The following CALN1 variants were observed in gnomAD, a reference collection of about 807,000 sequenced individuals.
CALN1 encodes the protein calneuron 1.
CALN1 carries 17 observed loss-of-function variants against 30.6 expected under a neutral mutation model. That is an observed-to-expected ratio of 0.56 (90% CI 0.38 to 0.83). CALN1 has a LOEUF of 0.83. Among genes scored for constraint, CALN1 ranks in the 40% least tolerant of loss-of-function variants. CALN1 has a pLI of 0.00. For missense variants in CALN1, 291 were observed against 354.9 expected, an observed-to-expected ratio of 0.82 and a Z score of 1.45; for synonymous variants, 156 against 131.4, an observed-to-expected ratio of 1.19 and a Z score of -1.28.
chr7:71,980,285 C>G (rs1312234468), intron 5 of CALN1, among the ~76,000 whole-genome samples: 1 of 150,636 alleles, frequency 6.6e-6, no homozygotes, highest in Non-Finnish European at 1.5e-5. Context: ...CTCCCAGGTT[C>G]AAGTGATTCT....
At chr7:72,324,342 T>A (rs1268825424) in intron 2 of CALN1, among the ~76,000 whole-genome samples, 1 of 152,092 alleles carries the variant, frequency 6.6e-6, no homozygotes, top group Non-Finnish European at 1.5e-5. Flanking sequence ...TGAAAAAGCA[T>A]CACTGATAAC....
In CALN1 at chr7:72,390,798, ATG is replaced by A. The variant is rs1805531128; in HGVS notation, c.119+12451_119+12452del. On this transcript the variant is annotated intron_variant, in intron 2 of 6. Coordinates refer to ENST00000395275, the MANE Select transcript of CALN1 (RefSeq NM_031468.4). Reference sequence around the variant, plus strand: ...ATTTAATACATCAACAAGGAAGCACATGTGTTATTATATCAACACATTTGTTC... The same window carrying A: ...ATTTAATACATCAACAAGGAAGCACATGTTATTATATCAACACATTTGTTC... Among the ~76,000 whole-genome samples the A allele has an allele frequency of 4.6e-5, 7 of 152,088 alleles. No homozygotes were observed. The South Asian group carries it at 1.0e-3, about 23-fold the overall frequency.
At chr7:72,181,109 CCA>C (rs1491109107) in intron 3 of CALN1, among the ~76,000 whole-genome samples, 136 of 53,418 alleles carry the variant, frequency 2.5e-3, no homozygotes, top group Middle Eastern at 0.011. Flanking sequence ...CCCCCCCCCC[CCA>C]AAAAAAAAAA....
chr7:72,448,838 C>T (rs1264504236), upstream of CALN1, among the ~76,000 whole-genome samples: 1 of 152,176 alleles, frequency 6.6e-6, no homozygotes, highest in African/African-American at 2.4e-5. Context: ...AACTCCTGAC[C>T]TCATGATCTT....
intron 3 of CALN1, among the ~76,000 whole-genome samples, chr7:72,110,840 T>C (rs926074857): frequency 5.9e-5 from 9 of 152,106 alleles, no homozygotes; most frequent in Non-Finnish European, 8.8e-5. Flanking sequence ...CATTTTATTT[T>C]TAATAGCAAA....
At chr7:72,164,340 A>G (rs1788356081) in intron 3 of CALN1, among the ~76,000 whole-genome samples, 1 of 132,254 alleles carries the variant, frequency 7.6e-6, no homozygotes, top group African/African-American at 3.0e-5. Flanking sequence ...GACAAGAGCA[A>G]CACTCCGTCA....
intron 3 of CALN1, among the ~76,000 whole-genome samples, chr7:72,151,697 C>T (rs974691622): frequency 1.3e-5 from 2 of 151,960 alleles, no homozygotes; most frequent in Non-Finnish European, 2.9e-5. Flanking sequence ...GCCTGCCCAG[C>T]AGATATCGTT....
intron 5 of CALN1, among the ~76,000 whole-genome samples, chr7:71,897,291 GGACTT>G (rs1793583418): frequency 6.6e-6 from 1 of 152,090 alleles, no homozygotes; most frequent in African/African-American, 2.4e-5. Context: ...TGTTGCACCG[GGACTT>G]GTAAGCATAA....
chr7:72,016,998 C>CAAAAAAAAAAAAAAAAAAAAAAAAAA lies in CALN1; in HGVS notation c.501+6658_501+6659insTTTTTTTTTTTTTTTTTTTTTTTTTT, dbSNP rs754201004. Among the ~76,000 whole-genome samples, 51 of 31,954 alleles carry CAAAAAAAAAAAAAAAAAAAAAAAAAA rather than the reference C, an allele frequency of 1.6e-3. 9 individuals are homozygous for CAAAAAAAAAAAAAAAAAAAAAAAAAA. The highest frequency in any genetic ancestry group is 0.01 in the East Asian group (10 of 992). The allele number at this position is 31,954 out of a possible 152,430, so 21.0% of individuals were successfully genotyped here. On this transcript the variant is annotated intron_variant, in intron 5 of 6. Coordinates refer to ENST00000395275, the MANE Select transcript of CALN1 (RefSeq NM_031468.4). ...CAAAACCCCGTGTTTACTAAAAATA[C>CAAAAAAAAAAAAAAAAAAAAAAAAAA]AAAAAAAAAAAAAAAAAAAGCTGGG...
chr7:72,324,810 G>C (rs187696351), intron 2 of CALN1, among the ~76,000 whole-genome samples: 4 of 151,674 alleles, frequency 2.6e-5, no homozygotes, highest in South Asian at 4.2e-4. Context: ...TCTTGAACTC[G>C]TGACCTCAAG....
chr7:71,832,161 A>G (rs1339447189), intron 5 of CALN1, among the ~76,000 whole-genome samples: 1 of 152,120 alleles, frequency 6.6e-6, no homozygotes, highest in Non-Finnish European at 1.5e-5. Context: ...TCTCATTTAA[A>G]GAATGTCATG....
intron 3 of CALN1, among the ~76,000 whole-genome samples, chr7:72,227,052 AG>A (rs767231709): frequency 1.3e-5 from 2 of 151,890 alleles, no homozygotes; most frequent in Non-Finnish European, 2.9e-5. Context: ...AAGACAGAAA[AG>A]TAAAGATGGG....
At chr7:71,993,711 C>T (rs1799085576) in intron 5 of CALN1, among the ~76,000 whole-genome samples, 1 of 152,094 alleles carries the variant, frequency 6.6e-6, no homozygotes, top group Admixed American at 6.5e-5. Flanking sequence ...CCTGCCTTCG[C>T]CTCCCAAAGT....
chr7:72,146,471 T>C (rs1438440902), intron 3 of CALN1, among the ~76,000 whole-genome samples: 1 of 151,992 alleles, frequency 6.6e-6, no homozygotes, highest in South Asian at 2.1e-4. Flanking sequence ...TAAAAGAGGA[T>C]ACAAATAAAT....
the CALN1 span, among the ~76,000 whole-genome samples, chr7:72,492,343 C>T: frequency 6.6e-6 from 1 of 152,190 alleles, no homozygotes; most frequent in Admixed American, 6.5e-5. Flanking sequence ...ATTCAAATAG[C>T]AAAGCCAGGT....
At chr7:72,424,166 G>T (rs1030960505) in intron 1 of CALN1, among the ~76,000 whole-genome samples, 2 of 152,154 alleles carry the variant, frequency 1.3e-5, no homozygotes, top group Admixed American at 1.3e-4. Flanking sequence ...AAAGGCAACA[G>T]GGAGAGGCCA....
At chr7:72,205,660 CTTT>C (rs1359745880) in intron 3 of CALN1, among the ~76,000 whole-genome samples, 1 of 142,346 alleles carries the variant, frequency 7.0e-6, no homozygotes, top group Non-Finnish European at 1.5e-5. Context: ...TAACGTTTTC[CTTT>C]TTTAATGCTT....
At chr7:72,485,926 T>C in the CALN1 span, among the ~76,000 whole-genome samples, 1 of 152,228 alleles carries the variant, frequency 6.6e-6, no homozygotes, top group Non-Finnish European at 1.5e-5. Flanking sequence ...CAGTCATATG[T>C]TGCTTAACAG....
In CALN1 at chr7:72,062,508, T is replaced by A. The variant is rs551922303; in HGVS notation, c.389-38739A>T. Among the ~76,000 whole-genome samples, 278 of 96,238 alleles carry A rather than the reference T, an allele frequency of 2.9e-3. 2 individuals carry two copies. The highest frequency in any genetic ancestry group is 0.012 in the African/African-American group (261 of 21,320). 63.1% of individuals were successfully genotyped at this position (96,238 alleles called of 152,430 possible). A position where few individuals can be genotyped will look rare whatever the true frequency, so the allele number is the denominator to read the frequency against. ...GCCTGGACGACAGAGTGAGACTCTATCTCAAAAAAAAAAAAAAAAAAAGAA... is the reference window on the plus strand; with the variant it reads ...GCCTGGACGACAGAGTGAGACTCTAACTCAAAAAAAAAAAAAAAAAAAGAA... On this transcript the variant is annotated intron_variant, in intron 4 of 6. Coordinates refer to ENST00000395275, the MANE Select transcript of CALN1 (RefSeq NM_031468.4).
Sources: allele counts gnomAD v4.1 joint callset (sites outside exome capture counted in the v4.1 genomes callset), GRCh38; gene constraint gnomAD v4.1.1; transcripts MANE v1.5; gene names NCBI Gene and HGNC (gene_info 2026-07-23, HGNC 2026-07-21).